Variants in ARB2A observed in about 807,000 individuals in gnomAD.
The protein encoded by ARB2A is ARB2 cotranscriptional regulator A.
the ARB2A span, among the ~76,000 whole-genome samples, chr5:94,099,757 A>C: frequency 1.3e-5 from 2 of 152,138 alleles, no homozygotes; most frequent in Non-Finnish European, 2.9e-5. Flanking sequence ...ATCACGTTAA[A>C]AATTCTCAAT....
chr5:93,622,780 G>T, the ARB2A span, among the ~76,000 whole-genome samples: 1 of 152,324 alleles, frequency 6.6e-6, no homozygotes, highest in African/African-American at 2.4e-5. Context: ...AAGGAGGGAT[G>T]AGTGTAGGTT....
chr5:93,718,347 G>A, the ARB2A span, among the ~76,000 whole-genome samples: 1 of 152,034 alleles, frequency 6.6e-6, no homozygotes, highest in Admixed American at 6.5e-5. Flanking sequence ...GCTGAGGCAG[G>A]AGAATGGCGT....
chr5:94,081,749 T>C, the ARB2A span, among the ~76,000 whole-genome samples: 1 of 152,128 alleles, frequency 6.6e-6, no homozygotes, highest in Non-Finnish European at 1.5e-5. Flanking sequence ...TTTGAGGTGA[T>C]GATTCCAATG....
the ARB2A span, among the ~76,000 whole-genome samples, chr5:93,860,050 T>C: frequency 3.3e-5 from 5 of 152,242 alleles, no homozygotes; most frequent in East Asian, 5.8e-4. Flanking sequence ...ATCCCAGCAC[T>C]TGGGGAGGCT....
the ARB2A span, among the ~76,000 whole-genome samples, chr5:94,110,150 G>T: frequency 6.6e-6 from 1 of 152,128 alleles, no homozygotes; most frequent in Non-Finnish European, 1.5e-5. Flanking sequence ...CTCCCAAAAT[G>T]CTAGGATTAC....
chr5:93,619,212 T>G, the ARB2A span: 5 of 152,210 alleles, frequency 3.3e-5, no homozygotes, highest in Non-Finnish European at 7.3e-5. Flanking sequence ...CACAGACAAA[T>G]GTGCTTGATG....
At chr5:93,634,177 C>T in the ARB2A span, among the ~76,000 whole-genome samples, 6 of 151,958 alleles carry the variant, frequency 3.9e-5, no homozygotes, top group Admixed American at 1.3e-4. Context: ...CTGAGGCGGG[C>T]GGATCACGAG....
At chr5:93,711,499 T>C in the ARB2A span, among the ~76,000 whole-genome samples, 5 of 152,178 alleles carry the variant, frequency 3.3e-5, no homozygotes, top group African/African-American at 1.2e-4. Flanking sequence ...ATAAAGGGTT[T>C]GGGGATGTAC....
the ARB2A span, chr5:93,618,161 AAAC>A: frequency 1.3e-5 from 2 of 151,966 alleles, no homozygotes; most frequent in East Asian, 3.8e-4. Context: ...TACTTCGCAT[AAAC>A]AATAATAATG....
At chr5:94,041,519 A>C in the ARB2A span, among the ~76,000 whole-genome samples, 3 of 152,146 alleles carry the variant, frequency 2.0e-5, no homozygotes, top group Admixed American at 1.3e-4. Context: ...AAATTAATTG[A>C]TTTAATAATA....
At chr5:93,618,835 T>C in the ARB2A span, 3 of 152,224 alleles carry the variant, frequency 2.0e-5, no homozygotes, top group African/African-American at 4.8e-5. Flanking sequence ...ATTCTAGCTA[T>C]AAGTAAAGGT....
the ARB2A span, among the ~76,000 whole-genome samples, chr5:93,770,203 C>G: frequency 6.6e-6 from 1 of 152,076 alleles, no homozygotes; most frequent in African/African-American, 2.4e-5. Context: ...GCTGTGCAAC[C>G]ACCTGCTGTG....
At chr5:93,776,214 T>G in the ARB2A span, 33 of 1,611,636 alleles carry the variant, frequency 2.0e-5, no homozygotes, top group Non-Finnish European at 2.8e-5. Context: ...TGTCTAATGG[T>G]TCTGAGCTAG....
chr5:93,820,239 A>T, the ARB2A span, among the ~76,000 whole-genome samples: 1 of 152,356 alleles, frequency 6.6e-6, no homozygotes, highest in East Asian at 1.9e-4. Flanking sequence ...TGAGCACTGC[A>T]AACGGGGAAG....
chr5:93,855,149 G>C, the ARB2A span, among the ~76,000 whole-genome samples: 129,212 of 151,816 alleles, frequency 0.85, 56,848 homozygotes, highest in East Asian at 1. Context: ...CTCCTGTATT[G>C]GGTGCATATA....
At chr5:93,833,472 TTATC>T in the ARB2A span, among the ~76,000 whole-genome samples, 1 of 152,182 alleles carries the variant, frequency 6.6e-6, no homozygotes, top group African/African-American at 2.4e-5. Context: ...AAATAATAGT[TTATC>T]TGTTGAATGA....
At chr5:93,801,863 A>G in the ARB2A span, among the ~76,000 whole-genome samples, 1 of 152,190 alleles carries the variant, frequency 6.6e-6, no homozygotes, top group Non-Finnish European at 1.5e-5. Flanking sequence ...CTGAATGGCT[A>G]AAGTGGAATG....
the ARB2A span, among the ~76,000 whole-genome samples, chr5:93,795,418 A>C: frequency 4.6e-5 from 7 of 152,122 alleles, no homozygotes; most frequent in South Asian, 1.5e-3. Flanking sequence ...ACAGTTTTTC[A>C]GCATCTCAGG....
the ARB2A span, among the ~76,000 whole-genome samples, chr5:93,656,307 C>T: frequency 6.6e-6 from 1 of 152,138 alleles, no homozygotes. Context: ...AAGTTCCAAA[C>T]ATTAAAAAAT....
Sources: allele counts gnomAD v4.1 joint callset (sites outside exome capture counted in the v4.1 genomes callset), GRCh38; gene constraint gnomAD v4.1.1; transcripts MANE v1.5; gene names NCBI Gene and HGNC (gene_info 2026-07-23, HGNC 2026-07-21).